Variants in PDZD8 observed in about 807,000 individuals in gnomAD.
The protein encoded by PDZD8 is PDZ domain-containing protein 8.
PDZD8 carries 14 observed loss-of-function variants against 85.8 expected under a neutral mutation model. The ratio of observed to expected loss-of-function variants is 0.16; its 90% CI spans 0.11 to 0.26. PDZD8 has a LOEUF of 0.26. Ranked by LOEUF, PDZD8 falls within the 10% of genes least tolerant of loss-of-function variation. The pLI is 1.00. For synonymous variants in PDZD8, 592 were observed against 568.6 expected (o/e 1.04, Z -0.59); for missense variants, 1,197 against 1,424.3 (o/e 0.84, Z 2.57).
At chr10:117,299,439 A>G (rs1843810059) in intron 3 of PDZD8, among the ~76,000 whole-genome samples, 1 of 152,196 alleles carries the variant, frequency 6.6e-6, no homozygotes, top group Admixed American at 6.5e-5. Flanking sequence ...CTTCTTCCTC[A>G]GGAACACCAG....
Position 117,375,078 on chromosome 10 carries a change from T to C in PDZD8, c.150A>G (p.Pro50=), listed in dbSNP as rs758889245. 5.6e-6 allele frequency: 9 copies of C among 1,600,328 alleles called. No homozygotes were observed. Among genetic ancestry groups the C allele is most frequent in the Non-Finnish European group, 6.8e-6 (8 of 1,177,196 alleles). ...ACTCCCTTAGGAGCAGGCCCGGCACTGGCTTGATGTAGCGGAAGCCCTCGC... is the reference window on the plus strand; with the variant it reads ...ACTCCCTTAGGAGCAGGCCCGGCACCGGCTTGATGTAGCGGAAGCCCTCGC... The part of the protein sequence containing the change: ...RAGEGFRYIK[P]VPGLLLREYL... The change falls in exon 1 of 5, where the codon CCA becomes CCG. Residue 50 remains proline (P), a synonymous_variant. Coordinates refer to ENST00000334464, the MANE Select transcript of PDZD8 (RefSeq NM_173791.5).
At chr10:117,343,949 G>A (rs892297226) in intron 1 of PDZD8, among the ~76,000 whole-genome samples, 7 of 152,022 alleles carry the variant, frequency 4.6e-5, no homozygotes, top group Admixed American at 4.6e-4. Flanking sequence ...ACAATGAAGC[G>A]GGCTACCTCT....
chr10:117,294,044 A>G (rs1843709814), intron 3 of PDZD8, among the ~76,000 whole-genome samples: 1 of 152,188 alleles, frequency 6.6e-6, no homozygotes. Context: ...GGATGCAACT[A>G]AAGTAGTGTT....
chr10:117,369,922 A>C (rs79252932), intron 1 of PDZD8, among the ~76,000 whole-genome samples: 111 of 152,290 alleles, frequency 7.3e-4, no homozygotes, highest in African/African-American at 2.6e-3. Context: ...ATATACAATA[A>C]TACTCCAGGA....
intron 1 of PDZD8, among the ~76,000 whole-genome samples, chr10:117,370,098 TA>T (rs1430517985): frequency 6.6e-6 from 1 of 152,172 alleles, no homozygotes; most frequent in African/African-American, 2.4e-5. Context: ...GAGGTTCATT[TA>T]AAAAAATATA....
chr10:117,368,952 T>C (rs1381044814), intron 1 of PDZD8, among the ~76,000 whole-genome samples: 4 of 144,596 alleles, frequency 2.8e-5, no homozygotes, highest in African/African-American at 1.0e-4. Context: ...GCCTCCTGGG[T>C]TCAAGCAATT....
chr10:117,300,759 A>G (rs1187540342), intron 3 of PDZD8, among the ~76,000 whole-genome samples: 2 of 152,144 alleles, frequency 1.3e-5, no homozygotes, highest in Non-Finnish European at 2.9e-5. Flanking sequence ...TAGTACCCTT[A>G]TAAAAGAAGC....
intron 2 of PDZD8, among the ~76,000 whole-genome samples, chr10:117,327,211 C>T (rs957586018): frequency 6.6e-6 from 1 of 152,088 alleles, no homozygotes; most frequent in Non-Finnish European, 1.5e-5. Context: ...CTGAAAGTAG[C>T]ACTAATGCCC....
rs1230421969 is a variant in PDZD8, at chr10:117,283,357, C to A, written c.3376G>T (p.Asp1126Tyr). 6.2e-7 allele frequency: 1 copy of A among 1,613,984 alleles called. No homozygotes were observed. The highest frequency in any genetic ancestry group is 1.3e-5 in the African/African-American group (1 of 74,926). ...AGTTGGCTTATTTCATTATCAAGGTCTTCTTCTGTATCATCTGTGTACTTG... is the reference window on the plus strand; with the variant it reads ...AGTTGGCTTATTTCATTATCAAGGTATTCTTCTGTATCATCTGTGTACTTG... Reference protein sequence around the residue: ...ISKYTDDTEEDLDNEISQLID... With the variant: ...ISKYTDDTEEYLDNEISQLID... Residue 1126 changes from aspartate (D) to tyrosine (Y), a missense_variant, in exon 5 of 5, where the codon GAC becomes TAC. Coordinates refer to ENST00000334464, the MANE Select transcript of PDZD8 (RefSeq NM_173791.5).
chr10:117,363,390 TTTC>T (rs1845030936), intron 1 of PDZD8, among the ~76,000 whole-genome samples: 1 of 152,148 alleles, frequency 6.6e-6, no homozygotes, highest in Non-Finnish European at 1.5e-5. Flanking sequence ...CATAGTCATT[TTTC>T]AAAATAGAGA....
chr10:117,344,736 C>T (rs925416789), intron 1 of PDZD8, among the ~76,000 whole-genome samples: 1 of 152,196 alleles, frequency 6.6e-6, no homozygotes, highest in African/African-American at 2.4e-5. Context: ...CCTCATCCCA[C>T]AGCTCTCATT....
intron 3 of PDZD8, among the ~76,000 whole-genome samples, chr10:117,291,391 G>A (rs958729201): frequency 6.6e-6 from 1 of 151,682 alleles, no homozygotes; most frequent in Non-Finnish European, 1.5e-5. Flanking sequence ...TTAGCCAGGC[G>A]TGGTGGCAGT....
intron 1 of PDZD8, among the ~76,000 whole-genome samples, chr10:117,355,044 ACTC>A (rs1844869323): frequency 6.6e-6 from 1 of 152,168 alleles, no homozygotes; most frequent in Admixed American, 6.5e-5. Flanking sequence ...GGTTCCAAAT[ACTC>A]CTCATTTTCT....
chr10:117,291,248 T>C (rs890646123), intron 3 of PDZD8, among the ~76,000 whole-genome samples: 3 of 151,952 alleles, frequency 2.0e-5, no homozygotes, highest in African/African-American at 7.2e-5. Context: ...TTAAGAGTTA[T>C]CGGCCGGGCA....
chr10:117,326,990 C>T (rs1844328781), intron 2 of PDZD8, among the ~76,000 whole-genome samples: 1 of 152,180 alleles, frequency 6.6e-6, no homozygotes, highest in East Asian at 1.9e-4. Flanking sequence ...AGGGAACATA[C>T]TCCAAACTCT....
chr10:117,336,251 G>A lies in PDZD8; in HGVS notation c.995+4729C>T, dbSNP rs79131253. Among the ~76,000 whole-genome samples, 946 of 152,296 alleles carry A rather than the reference G, an allele frequency of 6.2e-3. 13 individuals are homozygous for A. The highest frequency in any genetic ancestry group is 0.022 in the African/African-American group (913 of 41,564). On this transcript the variant is annotated intron_variant, in intron 2 of 4. Transcript: ENST00000334464. ...TCATGTCAGCACCGAAAAACACTCAGATTCTGGAGCATTTGGGATTTCAAA... is the reference window on the plus strand; with the variant it reads ...TCATGTCAGCACCGAAAAACACTCAAATTCTGGAGCATTTGGGATTTCAAA...
intron 1 of PDZD8, among the ~76,000 whole-genome samples, chr10:117,366,891 A>G (rs954443757): frequency 6.6e-6 from 1 of 152,228 alleles, no homozygotes; most frequent in Non-Finnish European, 1.5e-5. Flanking sequence ...TTGCAACTGC[A>G]TGGAAATGCC....
chr10:117,369,193 C>T (rs1269304710), intron 1 of PDZD8, among the ~76,000 whole-genome samples: 1 of 151,978 alleles, frequency 6.6e-6, no homozygotes, highest in East Asian at 1.9e-4. Flanking sequence ...GAGTCTTGCT[C>T]TGTTGCCCAG....
At chr10:117,334,755 G>A (rs1305200946) in intron 2 of PDZD8, among the ~76,000 whole-genome samples, 1 of 152,154 alleles carries the variant, frequency 6.6e-6, no homozygotes, top group Non-Finnish European at 1.5e-5. Context: ...CACTAGATGA[G>A]CTCAACAGAA....
Sources: gnomAD v4.1 joint callset for allele counts (sites outside exome capture counted in the v4.1 genomes callset) on GRCh38, gnomAD v4.1.1 for gene constraint, MANE v1.5 for transcripts, NCBI Gene and HGNC (gene_info 2026-07-23, HGNC 2026-07-21) for gene names.